Variants in PTPRD observed in about 807,000 individuals in gnomAD.
The protein encoded by PTPRD is receptor-type tyrosine-protein phosphatase delta.
PTPRD carries 34 observed loss-of-function variants against 214.5 expected under a neutral mutation model. That is an observed-to-expected ratio of 0.16 (90% CI 0.12 to 0.21). The LOEUF is 0.21. Ranked by LOEUF, PTPRD falls within the 10% of genes least tolerant of loss-of-function variation. The probability of loss-of-function intolerance (pLI) is 1.00; values close to 1 mark genes in which losing one functional copy is unlikely to be tolerated. For missense variants in PTPRD, 2,545 were observed against 2,398.7 expected, an observed-to-expected ratio of 1.06 and a Z score of -1.27; for synonymous variants, 1,128 against 845.7, an observed-to-expected ratio of 1.33 and a Z score of -5.79.
chr9:9,154,609 G>T (rs2099879643), intron 10 of PTPRD, among the ~76,000 whole-genome samples: 1 of 151,962 alleles, frequency 6.6e-6, no homozygotes, highest in African/African-American at 2.4e-5. Context: ...AATTTTAATG[G>T]GACCAAAACT....
chr9:9,350,515 T>C (rs1052365528), intron 9 of PTPRD, among the ~76,000 whole-genome samples: 1 of 152,046 alleles, frequency 6.6e-6, no homozygotes, highest in African/African-American at 2.4e-5. Context: ...TTGCATCCCC[T>C]TTTGTGTCAA....
chr9:9,051,414 A>T (rs138659215), intron 10 of PTPRD, among the ~76,000 whole-genome samples: 1 of 152,304 alleles, frequency 6.6e-6, no homozygotes, highest in Non-Finnish European at 1.5e-5. Flanking sequence ...AAGTATACAG[A>T]ATATTGCATA....
In PTPRD at chr9:10,130,040, G is replaced by C. The variant is rs922264338; in HGVS notation, c.-544-96250C>G. Among the ~76,000 whole-genome samples the C allele has an allele frequency of 3.2e-4, 47 of 148,138 alleles. 1 individual carries two copies. The highest frequency in any genetic ancestry group is 2.3e-4 in the South Asian group (1 of 4,364). ...TAAAATTGGTGCACTGAAAAGTATA[G>C]TTTGATTTGTTTTTTTGATTTTGAT... On this transcript the variant is annotated intron_variant, in intron 3 of 45. Transcript: ENST00000381196.
At chr9:10,511,055 G>A (rs982226037) in intron 2 of PTPRD, among the ~76,000 whole-genome samples, 4 of 131,974 alleles carry the variant, frequency 3.0e-5, no homozygotes, top group African/African-American at 1.3e-4. Context: ...TATTGTAAAT[G>A]TACTTATGAT....
At chr9:9,458,209 T>G (rs10977776) in intron 8 of PTPRD, among the ~76,000 whole-genome samples, 20,679 of 151,974 alleles carry the variant, frequency 0.14, 1,494 homozygotes, top group Middle Eastern at 0.28. Context: ...TAAAGTACCA[T>G]GTAATAACAT....
chr9:8,992,940 C>T (rs182808993), intron 11 of PTPRD, among the ~76,000 whole-genome samples: 1 of 152,144 alleles, frequency 6.6e-6, no homozygotes, highest in African/African-American at 2.4e-5. Context: ...TTTTGGTTTG[C>T]AATTTGCTTT....
At chr9:9,356,306 G>C (rs1332415841) in intron 9 of PTPRD, among the ~76,000 whole-genome samples, 12 of 151,396 alleles carry the variant, frequency 7.9e-5, no homozygotes, top group African/African-American at 2.9e-4. Context: ...TGATGTAGAA[G>C]AGAGAGGAGA....
intron 3 of PTPRD, among the ~76,000 whole-genome samples, chr9:10,174,451 G>A (rs2099233532): frequency 6.6e-6 from 1 of 152,042 alleles, no homozygotes; most frequent in South Asian, 2.1e-4. Context: ...AGAAATAGGG[G>A]CCCAATTTTT....
At chr9:9,443,498 G>C (rs970291634) in intron 8 of PTPRD, among the ~76,000 whole-genome samples, 1 of 152,216 alleles carries the variant, frequency 6.6e-6, no homozygotes, top group African/African-American at 2.4e-5. Context: ...TGTAACAGAA[G>C]TTTGACTTTG....
At chr9:10,129,512 T>C (rs1432059327) in intron 3 of PTPRD, among the ~76,000 whole-genome samples, 2 of 150,534 alleles carry the variant, frequency 1.3e-5, no homozygotes, top group Non-Finnish European at 3.0e-5. Flanking sequence ...TTTTTTTTTT[T>C]TTTTCTCACT....
chr9:8,485,176 T>G lies in PTPRD; in HGVS notation c.3153+51A>C, dbSNP rs755691839. Reference sequence around the variant, plus strand: ...GTGCAAATAACTTACCCAGATAAACTGTCCCCTCTACTTTTATCTGTGATT... The same window carrying G: ...GTGCAAATAACTTACCCAGATAAACGGTCCCCTCTACTTTTATCTGTGATT... On this transcript the variant is annotated intron_variant, in intron 29 of 45. Coordinates refer to ENST00000381196, the MANE Select transcript of PTPRD (RefSeq NM_002839.4). 3 of 1,482,052 alleles carry G rather than the reference T, an allele frequency of 2.0e-6. No individual in the cohort carries two copies. In the Admixed American group the frequency reaches 5.1e-5, roughly 25 times the overall value. The allele number at this position is 1,482,052 out of a possible 1,614,324, so 91.8% of individuals were successfully genotyped here. A position where few individuals can be genotyped will look rare whatever the true frequency, so the allele number is the denominator to read the frequency against.
At chr9:10,072,392 G>A (rs957327559) in intron 3 of PTPRD, among the ~76,000 whole-genome samples, 8 of 152,030 alleles carry the variant, frequency 5.3e-5, no homozygotes, top group African/African-American at 9.7e-5. Context: ...TGATCTTGCC[G>A]ACTTCAAGAA....
chr9:9,925,351 G>C (rs1436811238), intron 5 of PTPRD, among the ~76,000 whole-genome samples: 1 of 152,030 alleles, frequency 6.6e-6, no homozygotes, highest in Non-Finnish European at 1.5e-5. Flanking sequence ...TATAGTCAAA[G>C]TTGAGTTTTT....
chr9:9,445,125 G>C (rs1417998986), intron 8 of PTPRD, among the ~76,000 whole-genome samples: 1 of 152,114 alleles, frequency 6.6e-6, no homozygotes, highest in Non-Finnish European at 1.5e-5. Context: ...TTAGTTGATG[G>C]ATCCTCATTG....
intron 11 of PTPRD, among the ~76,000 whole-genome samples, chr9:8,965,581 T>C (rs1422675825): frequency 1.3e-5 from 2 of 152,126 alleles, no homozygotes; most frequent in Admixed American, 6.6e-5. Flanking sequence ...TTTACCATTA[T>C]GTAATGCCCT....
chr9:8,791,198 T>G (rs1402882346), intron 11 of PTPRD, among the ~76,000 whole-genome samples: 2 of 152,104 alleles, frequency 1.3e-5, no homozygotes, highest in Non-Finnish European at 1.5e-5. Context: ...AAGAATACAA[T>G]GCAGAGGAGA....
chr9:9,921,177 C>T (rs1003170752), intron 5 of PTPRD, among the ~76,000 whole-genome samples: 1 of 152,020 alleles, frequency 6.6e-6, no homozygotes, highest in Non-Finnish European at 1.5e-5. Context: ...AATGATAGCT[C>T]CCTTGATGTC....
chr9:9,529,322 TGA>T, intron 8 of PTPRD, among the ~76,000 whole-genome samples: 1 of 151,576 alleles, frequency 6.6e-6, no homozygotes, highest in African/African-American at 2.4e-5. Context: ...AGTCAGTCTT[TGA>T]AAGACTAGTA....
intron 3 of PTPRD, among the ~76,000 whole-genome samples, chr9:10,097,190 CT>C (rs926719955): frequency 4.8e-5 from 7 of 146,260 alleles, no homozygotes; most frequent in African/African-American, 1.7e-4. Flanking sequence ...CAGCTTTGTT[CT>C]TTTGGCTTAG....
Sources: gnomAD v4.1 joint callset for allele counts (sites outside exome capture counted in the v4.1 genomes callset) on GRCh38, gnomAD v4.1.1 for gene constraint, MANE v1.5 for transcripts, NCBI Gene and HGNC (gene_info 2026-07-23, HGNC 2026-07-21) for gene names.